The following SULF1 variants were observed in gnomAD, a reference collection of about 807,000 sequenced individuals.
SULF1 encodes the protein extracellular sulfatase Sulf-1.
SULF1 carries 46 observed loss-of-function variants against 110.5 expected under a neutral mutation model. That is an observed-to-expected ratio of 0.42 (90% CI 0.33 to 0.53). The LOEUF (loss-of-function observed/expected upper bound fraction) is 0.53. Ranked by LOEUF, SULF1 falls within the 20% of genes least tolerant of loss-of-function variation. The pLI is 0.12. For missense variants in SULF1, 941 were observed against 1,094.2 expected, an observed-to-expected ratio of 0.86 and a Z score of 1.98; for synonymous variants, 371 against 387.1, an observed-to-expected ratio of 0.96 and a Z score of 0.49.
chr8:69,624,428 CAGCCAGAGTAATT>C, intron 15 of SULF1, among the ~76,000 whole-genome samples: 1 of 152,348 alleles, frequency 6.6e-6, no homozygotes, highest in Non-Finnish European at 1.5e-5. Flanking sequence ...GCTAGGAATC[CAGCCAGAGTAATT>C]CACATTAAGG....
chr8:69,489,571 C>CTTTTTTTTTTT (rs61391745), upstream of SULF1, among the ~76,000 whole-genome samples: 15 of 91,958 alleles, frequency 1.6e-4, no homozygotes, highest in South Asian at 4.2e-4. Flanking sequence ...CTTTCTTTCT[C>CTTTTTTTTTTT]TTTTTTTTTT....
At chr8:69,590,257 G>A (rs1806794358) in intron 8 of SULF1, among the ~76,000 whole-genome samples, 1 of 152,128 alleles carries the variant, frequency 6.6e-6, no homozygotes, top group Non-Finnish European at 1.5e-5. Flanking sequence ...CGCCTCCTGG[G>A]TTCAAACAAT....
At chr8:69,548,294 C>T (rs879841308) in intron 3 of SULF1, among the ~76,000 whole-genome samples, 1 of 152,046 alleles carries the variant, frequency 6.6e-6, no homozygotes, top group Non-Finnish European at 1.5e-5. Flanking sequence ...TCACTGATAG[C>T]AAAGGAGGTA....
chr8:69,489,869 T>G (rs1809856056), upstream of SULF1, among the ~76,000 whole-genome samples: 1 of 152,102 alleles, frequency 6.6e-6, no homozygotes, highest in Admixed American at 6.5e-5. Flanking sequence ...TCAAGAATAC[T>G]GTCGGGACAC....
At chr8:69,488,931 A>G (rs1207409561), upstream of SULF1, among the ~76,000 whole-genome samples, 1 of 152,008 alleles carries the variant, frequency 6.6e-6, no homozygotes, top group African/African-American at 2.4e-5. Context: ...TTGTTTGAAT[A>G]ATTGTGTGGG....
At chr8:69,502,876 G>A (rs1208415608) in intron 3 of SULF1, among the ~76,000 whole-genome samples, 1 of 151,558 alleles carries the variant, frequency 6.6e-6, no homozygotes, top group Non-Finnish European at 1.5e-5. Context: ...TAGCAGAGAT[G>A]GGGTTTCACC....
intron 3 of SULF1, among the ~76,000 whole-genome samples, chr8:69,559,365 A>G (rs1220760394): frequency 6.6e-6 from 1 of 152,220 alleles, no homozygotes; most frequent in Non-Finnish European, 1.5e-5. Context: ...TGGTTCACTG[A>G]ACTATGCGAA....
Position 69,624,222 on chromosome 8 carries a change from A to G in SULF1, c.1850+25A>G, listed in dbSNP as rs774640161. The G allele has an allele frequency of 4.5e-6, 7 of 1,540,768 alleles. No homozygotes were observed. The Admixed American group carries it at 1.0e-4, about 22-fold the overall frequency. ...AGTAAGAAAGCTTTATTTGTTCACT[A>G]GGGTTGAGTTCAGAATTACCACCAC... On this transcript the variant is annotated intron_variant, in intron 15 of 22. Transcript: ENST00000402687.
intron 3 of SULF1, among the ~76,000 whole-genome samples, chr8:69,503,404 T>A (rs1810950922): frequency 6.6e-6 from 1 of 152,074 alleles, no homozygotes; most frequent in African/African-American, 2.4e-5. Flanking sequence ...GAAAGTTAGG[T>A]CTCCTTACTT....
At chr8:69,540,061 A>T (rs977366990) in intron 3 of SULF1, among the ~76,000 whole-genome samples, 1 of 152,196 alleles carries the variant, frequency 6.6e-6, no homozygotes, top group Non-Finnish European at 1.5e-5. Flanking sequence ...GTAGTGATGA[A>T]AGCAATGGAG....
At chr8:69,467,219 A>G (rs1284701918) in intron 1 of SULF1, 1 of 152,246 alleles carries the variant, frequency 6.6e-6, no homozygotes, top group African/African-American at 2.4e-5. Flanking sequence ...TTGTATACTC[A>G]AAACAGGAGC....
intron 3 of SULF1, among the ~76,000 whole-genome samples, chr8:69,542,240 G>A (rs1813902862): frequency 1.3e-5 from 2 of 152,080 alleles, no homozygotes; most frequent in Non-Finnish European, 1.5e-5. Context: ...ATTGGGGAGG[G>A]CTTCACAGTG....
chr8:69,527,295 GA>G (rs1014925229), intron 3 of SULF1, among the ~76,000 whole-genome samples: 5 of 151,904 alleles, frequency 3.3e-5, no homozygotes, highest in Non-Finnish European at 7.4e-5. Context: ...AAAATAACAG[GA>G]AAAAAATAAC....
intron 3 of SULF1, among the ~76,000 whole-genome samples, chr8:69,520,921 C>CA (rs987601548): frequency 6.6e-6 from 1 of 152,158 alleles, no homozygotes; most frequent in African/African-American, 2.4e-5. Flanking sequence ...TTCTGTCTTT[C>CA]AAAAAGCTCT....
chr8:69,521,694 T>C (rs1315711206), intron 3 of SULF1, among the ~76,000 whole-genome samples: 2 of 152,078 alleles, frequency 1.3e-5, no homozygotes, highest in Admixed American at 1.3e-4. Flanking sequence ...CTGGAGGCCA[T>C]GGGAAGGATT....
intron 1 of SULF1, among the ~76,000 whole-genome samples, chr8:69,477,073 T>G (rs780335301): frequency 6.6e-6 from 1 of 152,196 alleles, no homozygotes; most frequent in African/African-American, 2.4e-5. Flanking sequence ...AATTCAAGAT[T>G]CTACTCCTAC....
intron 3 of SULF1, among the ~76,000 whole-genome samples, chr8:69,520,184 A>C (rs900508583): frequency 6.6e-5 from 10 of 151,934 alleles, no homozygotes; most frequent in African/African-American, 2.2e-4. Flanking sequence ...ATAGGTCAAC[A>C]CAGGGTTCAC....
intron 8 of SULF1, among the ~76,000 whole-genome samples, chr8:69,597,917 C>T (rs926059575): frequency 6.6e-6 from 1 of 152,094 alleles, no homozygotes; most frequent in African/African-American, 2.4e-5. Flanking sequence ...TCTCTGACCT[C>T]GGACTACCCT....
intron 1 of SULF1, among the ~76,000 whole-genome samples, chr8:69,471,423 G>C (rs1438735395): frequency 6.6e-6 from 1 of 151,926 alleles, no homozygotes; most frequent in Non-Finnish European, 1.5e-5. Context: ...ATGAAACTCA[G>C]TGGGTTTTAT....
Sources: allele counts gnomAD v4.1 joint callset (sites outside exome capture counted in the v4.1 genomes callset), GRCh38; gene constraint gnomAD v4.1.1; transcripts MANE v1.5; gene names NCBI Gene and HGNC (gene_info 2026-07-23, HGNC 2026-07-21).